Variants in SPTA1 observed in about 807,000 individuals in gnomAD.
SPTA1 encodes the protein spectrin alpha, erythrocytic 1, also known as spectrin alpha chain, erythrocytic 1.
A neutral mutation model predicts 324.7 loss-of-function variants in SPTA1; 177 were observed. The ratio of observed to expected loss-of-function variants is 0.55; its 90% CI spans 0.48 to 0.62. The LOEUF (loss-of-function observed/expected upper bound fraction) is 0.62. Ranked by LOEUF, SPTA1 falls within the 20% of genes least tolerant of loss-of-function variation. The probability of loss-of-function intolerance (pLI) is 0.00; values close to 1 mark genes in which losing one functional copy is unlikely to be tolerated. For synonymous variants in SPTA1, 1,195 were observed against 1,041.3 expected, an observed-to-expected ratio of 1.15 and a Z score of -2.84; for missense variants, 3,162 against 2,883.6, an observed-to-expected ratio of 1.10 and a Z score of -2.21.
At chr1:158,637,003 C>A (rs151102401) in intron 36 of SPTA1, among the ~76,000 whole-genome samples, 2 of 152,186 alleles carry the variant, frequency 1.3e-5, no homozygotes, top group African/African-American at 4.8e-5. Context: ...ACTGTAACAG[C>A]CTTTCCATTA....
At chr1:158,624,764 G>A (rs769064930) in intron 42 of SPTA1, among the ~76,000 whole-genome samples, 2 of 152,148 alleles carry the variant, frequency 1.3e-5, no homozygotes, top group African/African-American at 2.4e-5. Context: ...ACTGTATAGG[G>A]CACAAGTCTA....
intron 48 of SPTA1, chr1:158,615,004 T>A (rs115076345): frequency 5.3e-6 from 3 of 565,214 alleles, no homozygotes; most frequent in Admixed American, 3.3e-5. Context: ...GGGTGATGAG[T>A]AGGCTCAGGT....
intron 35 of SPTA1, 100 bp from the exon 36 acceptor site, chr1:158,638,341 G>T: frequency 1.7e-6 from 2 of 1,194,402 alleles, no homozygotes; most frequent in East Asian, 2.5e-5. Context: ...TGGGCCAAAT[G>T]GATTGCTTTT....
chr1:158,650,409 T>C (rs1652337541), intron 24 of SPTA1, among the ~76,000 whole-genome samples: 1 of 152,146 alleles, frequency 6.6e-6, no homozygotes, highest in South Asian at 2.1e-4. Context: ...ACAACCACTA[T>C]AAAAACAGGC....
Position 158,611,242 on chromosome 1 carries a change from A to G in SPTA1, c.*22T>C. On this transcript the variant is annotated 3_prime_UTR_variant, in exon 52 of 52. Transcript: ENST00000643759. ...ATTTCCCACGACACTAAGATTTTCT[A>G]CGATCCACGAGGAGCTGCTTATTAG... 2 of 1,612,612 alleles carry G rather than the reference A, an allele frequency of 1.2e-6. No homozygotes were observed. Among genetic ancestry groups the G allele is most frequent in the East Asian group, 2.2e-5 (1 of 44,818 alleles).
At position 158,619,255 on chromosome 1, in the gene SPTA1, G is replaced by C. The variant is rs1649758864; in HGVS notation, c.6497C>G (p.Ala2166Gly). 1.2e-6 allele frequency: 2 copies of C among 1,613,942 alleles called. No individual in the cohort carries two copies. The highest frequency in any genetic ancestry group is 1.7e-6 in the Non-Finnish European group (2 of 1,179,992). The stretch of plus-strand genomic sequence containing the variant: ...CAGGATCCATTGAAGGAAGGTACTG[G>C]CATTCTGTTCAAACTCCTGACACAT... Reference protein sequence around the residue: ...FEMCQEFEQNASTFLQWILET... With the variant: ...FEMCQEFEQNGSTFLQWILET... The change falls in exon 45 of 52, where the codon GCC becomes GGC. Residue 2166 changes from alanine to glycine, a missense_variant. Transcript: ENST00000643759.
chr1:158,644,018 T>C (rs979420683), intron 30 of SPTA1, among the ~76,000 whole-genome samples: 16 of 151,674 alleles, frequency 1.1e-4, no homozygotes, highest in Admixed American at 8.6e-4. Context: ...GTGTCTGTAA[T>C]CCCAGCTACT....
At chr1:158,665,779 G>T (rs1002678604) in intron 16 of SPTA1, among the ~76,000 whole-genome samples, 3 of 152,090 alleles carry the variant, frequency 2.0e-5, no homozygotes, top group Admixed American at 6.5e-5. Context: ...ATATTTTTAA[G>T]CTTTGAATCA....
rs1654806913 is a variant in SPTA1, at chr1:158,681,513, T to C, written c.531+14A>G. ...GTGGGAGGCCCTGTGTGATTGCTGT[T>C]TTAAGTTCGATACCTTGTCTCCAAT... On this transcript the variant is annotated intron_variant, in intron 4 of 51. Coordinates refer to ENST00000643759, the MANE Select transcript of SPTA1 (RefSeq NM_003126.4). 3.1e-6 allele frequency: 5 copies of C among 1,613,490 alleles called. No homozygotes were observed. Among genetic ancestry groups the C allele is most frequent in the African/African-American group, 1.3e-5 (1 of 74,968 alleles).
At position 158,674,449 on chromosome 1, in the gene SPTA1, G is replaced by A. The variant is rs201209475; in HGVS notation, c.1249-19C>T. 7 of 1,614,052 alleles carry A rather than the reference G, an allele frequency of 4.3e-6. No homozygotes were observed. The highest frequency in any genetic ancestry group is 2.7e-5 in the African/African-American group (2 of 75,028). ...TCTCATGCTGTGGCCACAAAACAAAGTGTCTCAAAATGCAGCAAGAAACCT... is the reference window on the plus strand; with the variant it reads ...TCTCATGCTGTGGCCACAAAACAAAATGTCTCAAAATGCAGCAAGAAACCT... On this transcript the variant is annotated intron_variant, in intron 9 of 51. Coordinates refer to ENST00000643759, the MANE Select transcript of SPTA1 (RefSeq NM_003126.4).
In SPTA1 at chr1:158,652,612, C is replaced by T. The variant is rs199612744; in HGVS notation, c.3230G>A (p.Arg1077His). 638 of 1,614,018 alleles carry T rather than the reference C, an allele frequency of 4.0e-4. 5 individuals are homozygous for T. In the African/African-American group the frequency reaches 7.6e-3, roughly 19 times the overall value. ...LLDRAEERRR[R>H]LLQRYNEFLL... ...AAATTCATTATAACGTTGCAATAGA[C>T]GACGTCTGCGTTCTTCTGCCCGATC... is the stretch of plus-strand genomic sequence containing the variant. Residue 1077 changes from arginine (R) to histidine (H), a missense_variant, in exon 23 of 52, where the codon CGT becomes CAT. Physicochemically the swap from Arg to His is conservative, Grantham distance 29. Transcript: ENST00000643759.
chr1:158,657,634 G>A lies in SPTA1; in HGVS notation c.2648C>T (p.Ser883Phe), dbSNP rs139771435. ...RVKSLNQNMESLRARAARRQN... is the reference protein window; with the variant it reads ...RVKSLNQNMEFLRARAARRQN... ...TCGCCTAGCAGCTCGAGCACGGAGA[G>A]ACTCCATATTCTGGTTCAAACTCTT... Residue 883 changes from serine to phenylalanine, a missense_variant, in exon 19 of 52, where the codon TCT becomes TTT. Ser to Phe is a radical substitution (Grantham distance 155, BLOSUM62 -2). Transcript: ENST00000643759. 1 of 1,614,114 alleles carries A rather than the reference G, an allele frequency of 6.2e-7. No individual in the cohort carries two copies. The highest frequency in any genetic ancestry group is 8.5e-7 in the Non-Finnish European group (1 of 1,180,024).
chr1:158,649,986 T>A, intron 24 of SPTA1, 39 bp from the exon 25 acceptor site: 1 of 1,412,348 alleles, frequency 7.1e-7, no homozygotes, highest in Non-Finnish European at 1.0e-6. Context: ...GACAGAGAAC[T>A]AACTCACATG....
chr1:158,632,943 T>A (rs780518755), intron 39 of SPTA1, among the ~76,000 whole-genome samples: 5 of 152,090 alleles, frequency 3.3e-5, no homozygotes, highest in Non-Finnish European at 7.4e-5. Context: ...CCTCAACAGG[T>A]GAGTGGTTCG....
chr1:158,675,126 A>G (rs1654309426), intron 8 of SPTA1, among the ~76,000 whole-genome samples: 1 of 152,200 alleles, frequency 6.6e-6, no homozygotes, highest in African/African-American at 2.4e-5. Context: ...GCTGCAAAAC[A>G]GTTTCCTATT....
At chr1:158,617,926 T>C (rs1423944173) in intron 46 of SPTA1, 113 bp downstream of exon 46, 3 of 1,043,118 alleles carry the variant, frequency 2.9e-6, no homozygotes, top group East Asian at 4.8e-5. Context: ...CATTTTTATT[T>C]ACATACTACC....
At chr1:158,638,382 A>G (rs1471132948) in intron 35 of SPTA1, 141 bp from the exon 36 acceptor site, 7 of 834,980 alleles carry the variant, frequency 8.4e-6, no homozygotes, top group Non-Finnish European at 1.2e-5. Flanking sequence ...TGTGTTATAC[A>G]TGTTAGCATA....
At position 158,686,543 on chromosome 1, in the gene SPTA1, A is replaced by G; in HGVS notation, c.-26T>C. 1 of 1,555,668 alleles carries G rather than the reference A, an allele frequency of 6.4e-7. No homozygotes were observed. The highest frequency in any genetic ancestry group is 8.7e-7 in the Non-Finnish European group (1 of 1,145,872). On this transcript the variant is annotated 5_prime_UTR_variant, in exon 1 of 52. Coordinates refer to ENST00000643759, the MANE Select transcript of SPTA1 (RefSeq NM_003126.4). Reference sequence around the variant, plus strand: ...TTTTCCTAAAGGTTTAGAACCTGGCAAGATAAAATGTGTCAGAGAGAGAGA... The same window carrying G: ...TTTTCCTAAAGGTTTAGAACCTGGCGAGATAAAATGTGTCAGAGAGAGAGA...
In SPTA1 at chr1:158,683,373, T is replaced by C. The variant is rs1489628214; in HGVS notation, c.388A>G (p.Lys130Glu). 1 of 1,613,088 alleles carries C rather than the reference T, an allele frequency of 6.2e-7. No homozygotes were observed. Among genetic ancestry groups the C allele is most frequent in the African/African-American group, 1.3e-5 (1 of 74,852 alleles). The change falls in exon 3 of 52, where the codon AAG becomes GAG. Residue 130 changes from lysine to glutamate, a missense_variant and splice_region_variant. Transcript: ENST00000643759. ...TCTTCAAGGGCCCATACATATACCT[T>C]CGTTTCTTCGTGGGCAGAATGACCC... is the stretch of plus-strand genomic sequence containing the variant. Reference protein sequence around the residue: ...TMGHSAHEETKAHIEELRHLW... With the variant: ...TMGHSAHEETEAHIEELRHLW...
Sources: allele counts gnomAD v4.1 joint callset (sites outside exome capture counted in the v4.1 genomes callset), GRCh38; gene constraint gnomAD v4.1.1; transcripts MANE v1.5; gene names NCBI Gene and HGNC (gene_info 2026-07-23, HGNC 2026-07-21).